Variants in SFRP1 observed in about 807,000 individuals in gnomAD.
SFRP1 encodes the protein secreted frizzled-related protein 1.
SFRP1 carries 9 observed loss-of-function variants against 25.9 expected under a neutral mutation model. The ratio of observed to expected loss-of-function variants is 0.35; its 90% CI spans 0.21 to 0.61. SFRP1 has a LOEUF of 0.61. Ranked by LOEUF, SFRP1 falls within the 20% of genes least tolerant of loss-of-function variation. The pLI, the probability that SFRP1 is intolerant of heterozygous loss-of-function variation, is 0.78. For missense variants in SFRP1, 346 were observed against 418.2 expected, an observed-to-expected ratio of 0.83 and a Z score of 1.51; for synonymous variants, 178 against 174.0, an observed-to-expected ratio of 1.02 and a Z score of -0.18.
In SFRP1 at chr8:41,264,834, G is replaced by A. The variant is rs1335817988; in HGVS notation, c.*333C>T. 10 of 246,580 alleles carry A rather than the reference G, an allele frequency of 4.1e-5. No homozygotes were observed. The South Asian group carries it at 6.7e-4, about 16-fold the overall frequency. The allele number at this position is 246,580 out of a possible 1,614,324, so 15.3% of individuals were successfully genotyped here. A position where few individuals can be genotyped will look rare whatever the true frequency, so the allele number is the denominator to read the frequency against. On this transcript the variant is annotated 3_prime_UTR_variant, in exon 3 of 3. Coordinates refer to ENST00000220772, the MANE Select transcript of SFRP1 (RefSeq NM_003012.5). ...TTTTTGCTGCTGGCTCTCACTTTCC[G>A]CCCAATCCCCCTTTTTGTGTTTTAG...
rs2117473411 is a variant in SFRP1 at position 41,263,525 on chromosome 8, C to T, written c.*1642G>A. ...GTCAGGCTAGGGCCGCAGGGGGCCA[C>T]TTTACAGCCTCACTGCAGCATCCTC... On this transcript the variant is annotated 3_prime_UTR_variant, in exon 3 of 3. Transcript: ENST00000220772. 1.3e-5 allele frequency: 2 copies of T among 152,354 alleles called. No homozygotes were observed. Among genetic ancestry groups the T allele is most frequent in the Admixed American group, 1.3e-4 (2 of 15,306 alleles). The allele number at this position is 152,354 out of a possible 1,614,324, so 9.4% of individuals were successfully genotyped here.
At chr8:41,302,076 A>T (rs1407167673) in intron 2 of SFRP1, among the ~76,000 whole-genome samples, 1 of 152,252 alleles carries the variant, frequency 6.6e-6, no homozygotes, top group African/African-American at 2.4e-5. Flanking sequence ...ACATTTATTT[A>T]GAGGAAGAGT....
chr8:41,290,045 C>G (rs1010573658), intron 2 of SFRP1, among the ~76,000 whole-genome samples: 13 of 152,310 alleles, frequency 8.5e-5, no homozygotes, highest in African/African-American at 3.1e-4. Context: ...CAGACAGACG[C>G]ACAGGAGGGC....
At chr8:41,265,513 A>C (rs1369375852) in intron 2 of SFRP1, 24 bp from the exon 3 acceptor site, 1 of 1,544,340 alleles carries the variant, frequency 6.5e-7, no homozygotes, top group Non-Finnish European at 8.8e-7. Context: ...GGACAGAAGA[A>C]GAGAAAAGAG....
chr8:41,289,612 G>A (rs1227093921), intron 2 of SFRP1, among the ~76,000 whole-genome samples: 1 of 152,092 alleles, frequency 6.6e-6, no homozygotes, highest in Non-Finnish European at 1.5e-5. Flanking sequence ...TTACAGCACC[G>A]CCTTTATGTC....
Position 41,294,009 on chromosome 8 carries a change from A to G in SFRP1, c.622+9452T>C, listed in dbSNP as rs1803810291. ...TGCCTCAGCCTCCCGAAGCACTGGG[A>G]TTACAGGCATGAGCCACCATACTTG... is the stretch of plus-strand genomic sequence containing the variant. On this transcript the variant is annotated intron_variant, in intron 2 of 2. Transcript: ENST00000220772. 1.3e-5 allele frequency among the ~76,000 whole-genome samples: 2 copies of G among 150,972 alleles called. 1 individual carries two copies. The highest frequency in any genetic ancestry group is 4.2e-4 in the South Asian group (2 of 4,778).
chr8:41,309,210 C>T lies in SFRP1; in HGVS notation c.-51G>A. On this transcript the variant is annotated 5_prime_UTR_variant, in exon 1 of 3. Transcript: ENST00000220772. The stretch of plus-strand genomic sequence containing the variant: ...GACGTCGGGGCTGCCTCCGCCGCCT[C>T]CCCGCGCGCGTCCTGCCGCAAACTT... 1 of 1,267,896 alleles carries T rather than the reference C, an allele frequency of 7.9e-7. No individual in the cohort carries two copies. Among genetic ancestry groups the T allele is most frequent in the Non-Finnish European group, 9.9e-7 (1 of 1,013,692 alleles). The allele number at this position is 1,267,896 out of a possible 1,614,324, so 78.5% of individuals were successfully genotyped here.
In SFRP1 at chr8:41,303,462, A is replaced by C. The variant is rs1197332351; in HGVS notation, c.621T>G (p.Phe207Leu). 1.9e-6 allele frequency: 3 copies of C among 1,613,358 alleles called. No homozygotes were observed. The highest frequency in any genetic ancestry group is 2.5e-6 in the Non-Finnish European group (3 of 1,179,582). Residue 207 changes from phenylalanine (F) to leucine (L), a missense_variant and splice_region_variant, in exon 2 of 3, where the codon TTT (phenylalanine) becomes TTG (leucine). Coordinates refer to ENST00000220772, the MANE Select transcript of SFRP1 (RefSeq NM_003012.5). ...AIIEHLCASEFALRMKIKEVK... is the reference protein window; with the variant it reads ...AIIEHLCASELALRMKIKEVK... ...AGGCAGCTAGAAACGCTTTCTTACC[A>C]AACTCGCTGGCACAGAGATGTTCAA...
intron 1 of SFRP1, among the ~76,000 whole-genome samples, chr8:41,308,369 A>C (rs904045783): frequency 2.6e-5 from 4 of 152,216 alleles, no homozygotes; most frequent in African/African-American, 9.6e-5. Flanking sequence ...CTGCGAGGCC[A>C]AGGCGCAGAG....
At chr8:41,299,499 TAAAAA>T (rs576175856) in intron 2 of SFRP1, among the ~76,000 whole-genome samples, 93 of 56,038 alleles carry the variant, frequency 1.7e-3, no homozygotes, top group African/African-American at 7.4e-3. Context: ...TTCTCCTTTA[TAAAAA>T]AAAAAAAAAA....
intron 2 of SFRP1, among the ~76,000 whole-genome samples, chr8:41,283,752 G>A (rs1285120232): frequency 2.6e-5 from 4 of 151,890 alleles, no homozygotes; most frequent in East Asian, 3.9e-4. Flanking sequence ...TAGTAGAGAC[G>A]GGGTTTCGCC....
intron 2 of SFRP1, among the ~76,000 whole-genome samples, chr8:41,279,290 C>A (rs1354852210): frequency 1.3e-5 from 2 of 152,176 alleles, no homozygotes; most frequent in Non-Finnish European, 2.9e-5. Flanking sequence ...GAACTCTCTG[C>A]ACAGAACTCC....
chr8:41,309,175 T>G lies in SFRP1; in HGVS notation c.-16A>C. 5.3e-6 allele frequency: 7 copies of G among 1,310,340 alleles called. No homozygotes were observed. The highest frequency in any genetic ancestry group is 6.7e-6 in the Non-Finnish European group (7 of 1,039,300). The allele number at this position is 1,310,340 out of a possible 1,614,324, so 81.2% of individuals were successfully genotyped here. On this transcript the variant is annotated 5_prime_UTR_variant, in exon 1 of 3. Transcript: ENST00000220772. ...CGATGCCCATGCCGGCTCTGCGCCC[T>G]GTTCTCCGCGACGTCGGGGCTGCCT...
At chr8:41,291,864 G>A (rs943942502) in intron 2 of SFRP1, among the ~76,000 whole-genome samples, 4 of 152,186 alleles carry the variant, frequency 2.6e-5, no homozygotes, top group Non-Finnish European at 4.4e-5. Context: ...GCTGGAGCAC[G>A]GACAGAGGCA....
chr8:41,271,318 G>A (rs568784338), intron 2 of SFRP1: 4 of 154,090 alleles, frequency 2.6e-5, no homozygotes, highest in East Asian at 1.9e-4. Flanking sequence ...GGCAGAGACT[G>A]TAACATACAA....
intron 2 of SFRP1, among the ~76,000 whole-genome samples, chr8:41,293,832 G>T (rs1203834193): frequency 6.6e-6 from 1 of 152,114 alleles, no homozygotes; most frequent in African/African-American, 2.4e-5. Context: ...GAGTGCAGTG[G>T]CCTGAACACA....
chr8:41,265,867 G>A (rs1437556711), intron 2 of SFRP1, among the ~76,000 whole-genome samples: 1 of 152,128 alleles, frequency 6.6e-6, no homozygotes, highest in Non-Finnish European at 1.5e-5. Flanking sequence ...CAAGTAACAA[G>A]TCAAGAAACA....
chr8:41,264,346 T>C lies in SFRP1; in HGVS notation c.*821A>G, dbSNP rs1390212003. Reference sequence around the variant, plus strand: ...TTGTTTCTTTTTTAACTATGTGTTTTGAAAACTACTGCCTTCTCAGCCCGA... The same window carrying C: ...TTGTTTCTTTTTTAACTATGTGTTTCGAAAACTACTGCCTTCTCAGCCCGA... On this transcript the variant is annotated 3_prime_UTR_variant, in exon 3 of 3. Transcript: ENST00000220772. The C allele has an allele frequency of 6.6e-6, 1 of 152,222 alleles. No homozygotes were observed. The highest frequency in any genetic ancestry group is 1.5e-5 in the Non-Finnish European group (1 of 68,044). The allele number at this position is 152,222 out of a possible 1,614,324, so 9.4% of individuals were successfully genotyped here.
At chr8:41,280,706 G>T (rs770146690) in intron 2 of SFRP1, among the ~76,000 whole-genome samples, 1 of 152,180 alleles carries the variant, frequency 6.6e-6, no homozygotes, top group Non-Finnish European at 1.5e-5. Context: ...GTGGCTGCAG[G>T]AGCTGCTGAC....
Sources: allele counts gnomAD v4.1 joint callset (sites outside exome capture counted in the v4.1 genomes callset), GRCh38; gene constraint gnomAD v4.1.1; transcripts MANE v1.5; gene names NCBI Gene and HGNC (gene_info 2026-07-23, HGNC 2026-07-21).